FNDC3A: variants seen among roughly 807,000 people sequenced by gnomAD.
The protein encoded by FNDC3A is fibronectin type-III domain-containing protein 3A.
FNDC3A carries 32 observed loss-of-function variants against 148.9 expected under a neutral mutation model. The observed-to-expected ratio is 0.21, with a 90% CI of 0.16 to 0.29. FNDC3A has a LOEUF of 0.29. Among genes scored for constraint, FNDC3A ranks in the 10% least tolerant of loss-of-function variants. FNDC3A has a pLI of 1.00. For synonymous variants in FNDC3A, 472 were observed against 473.6 expected, an observed-to-expected ratio of 1.00 and a Z score of 0.04; for missense variants, 1,191 against 1,452.8, an observed-to-expected ratio of 0.82 and a Z score of 2.93.
chr13:49,092,017 T>C (rs1049798492), intron 3 of FNDC3A, among the ~76,000 whole-genome samples: 47 of 152,346 alleles, frequency 3.1e-4, no homozygotes, highest in African/African-American at 1.1e-3. Context: ...AGAGTTGTTA[T>C]CTGCGGAAGA....
At chr13:49,136,197 G>T in intron 5 of FNDC3A, 135 bp from the exon 6 acceptor site, 1 of 673,464 alleles carries the variant, frequency 1.5e-6, no homozygotes, top group East Asian at 2.8e-5. Flanking sequence ...CACAAAGGTT[G>T]CTTTGTTATG....
intron 8 of FNDC3A, among the ~76,000 whole-genome samples, chr13:49,163,293 T>C (rs903689235): frequency 7.9e-5 from 12 of 152,200 alleles, no homozygotes; most frequent in Admixed American, 7.2e-4. Context: ...TCCACCCAGT[T>C]TGAGCTTTCC....
Position 49,175,474 on chromosome 13 carries a change from G to C in FNDC3A, c.1463G>C (p.Ser488Thr), listed in dbSNP as rs756612831. ...AGITWLSLQW[S>T]KPSGTPSDEG... is the part of the protein sequence containing the mutation. ...ATTACTTGGTTATCCTTACAATGGA[G>C]TAAGCCCTCAGGAACACCATCAGAT... The change falls in exon 13 of 26, where the codon AGT becomes ACT. Residue 488 changes from serine (S) to threonine (T), a missense_variant. Physicochemically the swap from Ser to Thr is moderately conservative, Grantham distance 58. Coordinates refer to ENST00000492622, the MANE Select transcript of FNDC3A (RefSeq NM_001079673.2). 6.2e-7 allele frequency: 1 copy of C among 1,613,206 alleles called. No homozygotes were observed. The highest frequency in any genetic ancestry group is 8.5e-7 in the Non-Finnish European group (1 of 1,179,446).
chr13:48,991,650 T>C (rs1233044039), intron 1 of FNDC3A, among the ~76,000 whole-genome samples: 1 of 150,604 alleles, frequency 6.6e-6, no homozygotes, highest in African/African-American at 2.4e-5. Context: ...CTCACACCAC[T>C]GCACTCCAGC....
chr13:49,072,918 T>A (rs758190163), intron 2 of FNDC3A, among the ~76,000 whole-genome samples: 16 of 152,248 alleles, frequency 1.1e-4, no homozygotes, highest in Non-Finnish European at 2.4e-4. Flanking sequence ...ACAAGGATAA[T>A]TTGACTTCTT....
intron 2 of FNDC3A, among the ~76,000 whole-genome samples, chr13:49,015,389 G>C (rs1952474286): frequency 6.6e-6 from 1 of 152,072 alleles, no homozygotes; most frequent in Admixed American, 6.5e-5. Flanking sequence ...CTCATGATTT[G>C]GCTCTCTGTT....
rs1185022360 is a variant in FNDC3A, at chr13:49,099,306, C to G, written c.176-15349C>G. ...ACTTGTGGTTAAATCTTAGACAACC[C>G]AAAATAAATCATTCTCTCTTCCTGA... On this transcript the variant is annotated intron_variant, in intron 3 of 25. Transcript: ENST00000492622. 2.0e-5 allele frequency among the ~76,000 whole-genome samples: 3 copies of G among 152,022 alleles called. No homozygotes were observed. In the East Asian group the frequency reaches 5.8e-4, roughly 29 times the overall value.
intron 1 of FNDC3A, among the ~76,000 whole-genome samples, chr13:48,998,476 T>A (rs1012391632): frequency 5.9e-5 from 9 of 152,210 alleles, no homozygotes; most frequent in African/African-American, 2.2e-4. Context: ...CTATGTAAGA[T>A]GTATGTAAAA....
At chr13:49,133,261 A>G (rs533602548) in intron 5 of FNDC3A, among the ~76,000 whole-genome samples, 2 of 152,236 alleles carry the variant, frequency 1.3e-5, no homozygotes, top group South Asian at 2.1e-4. Flanking sequence ...GTCTCATCCT[A>G]TTTTTGTTTA....
At chr13:49,083,415 C>T (rs1164762920) in intron 3 of FNDC3A, among the ~76,000 whole-genome samples, 2 of 152,132 alleles carry the variant, frequency 1.3e-5, no homozygotes, top group Non-Finnish European at 2.9e-5. Context: ...AAAGGGAAAA[C>T]AAATGAAATC....
chr13:49,019,596 G>A (rs1453973641), intron 2 of FNDC3A, among the ~76,000 whole-genome samples: 1 of 152,206 alleles, frequency 6.6e-6, no homozygotes, highest in African/African-American at 2.4e-5. Flanking sequence ...GTAGACCGGA[G>A]CTGTTCCTAT....
chr13:49,107,068 T>C (rs1271806322), intron 3 of FNDC3A, among the ~76,000 whole-genome samples: 1 of 152,202 alleles, frequency 6.6e-6, no homozygotes, highest in Non-Finnish European at 1.5e-5. Flanking sequence ...AGCACATGGA[T>C]GCAACAGTGT....
intron 4 of FNDC3A, among the ~76,000 whole-genome samples, chr13:49,126,266 T>C (rs1485525325): frequency 1.4e-5 from 2 of 148,142 alleles, no homozygotes; most frequent in South Asian, 2.1e-4. Flanking sequence ...TGGGGGTTTT[T>C]TTTGTTTGTT....
intron 2 of FNDC3A, among the ~76,000 whole-genome samples, chr13:49,050,141 A>G (rs1249733145): frequency 6.6e-6 from 1 of 151,988 alleles, no homozygotes; most frequent in East Asian, 1.9e-4. Flanking sequence ...CATTTCATTT[A>G]GTTCCACTCT....
intron 2 of FNDC3A, among the ~76,000 whole-genome samples, chr13:49,038,532 C>A (rs1593503272): frequency 6.6e-6 from 1 of 152,280 alleles, no homozygotes; most frequent in East Asian, 1.9e-4. Context: ...TTGCCAACAC[C>A]TTGCTTTGAG....
chr13:48,998,875 A>G (rs982599297), intron 1 of FNDC3A, among the ~76,000 whole-genome samples: 6 of 152,224 alleles, frequency 3.9e-5, no homozygotes, highest in African/African-American at 1.2e-4. Context: ...GAATTATATT[A>G]GAAACACTGC....
intron 1 of FNDC3A, among the ~76,000 whole-genome samples, chr13:48,997,334 G>A (rs971520238): frequency 6.6e-6 from 1 of 152,146 alleles, no homozygotes; most frequent in African/African-American, 2.4e-5. Context: ...TAAGGTTAAG[G>A]AAGAAAACTA....
intron 11 of FNDC3A, among the ~76,000 whole-genome samples, chr13:49,172,405 C>T (rs956768632): frequency 6.6e-6 from 1 of 152,106 alleles, no homozygotes; most frequent in Admixed American, 6.5e-5. Flanking sequence ...TTACCCCAAA[C>T]CTGACATTAA....
chr13:49,173,884 C>G (rs910522312), intron 11 of FNDC3A, among the ~76,000 whole-genome samples: 2 of 152,146 alleles, frequency 1.3e-5, no homozygotes, highest in African/African-American at 4.8e-5. Context: ...TTTAGTTGTC[C>G]TCTTTTCTCT....
Sources: gnomAD v4.1 joint callset for allele counts (sites outside exome capture counted in the v4.1 genomes callset) on GRCh38, gnomAD v4.1.1 for gene constraint, MANE v1.5 for transcripts, NCBI Gene and HGNC (gene_info 2026-07-23, HGNC 2026-07-21) for gene names.